COLEC10: variants seen among roughly 807,000 people sequenced by gnomAD.
COLEC10 encodes the protein collectin-10.
Under a neutral mutation model 28.4 loss-of-function variants are expected in COLEC10, and 22 were observed. That is an observed-to-expected ratio of 0.78 (90% CI 0.55 to 1.11). COLEC10 has a LOEUF of 1.11. Ranked by LOEUF, COLEC10 falls within the 50% of genes least tolerant of loss-of-function variation. The pLI, the probability that COLEC10 is intolerant of heterozygous loss-of-function variation, is 0.00. For missense variants in COLEC10, 361 were observed against 344.1 expected, an observed-to-expected ratio of 1.05 and a Z score of -0.39; for synonymous variants, 125 against 116.1, an observed-to-expected ratio of 1.08 and a Z score of -0.49.
chr8:119,016,978 T>C (rs1225515106), intron 2 of COLEC10, among the ~76,000 whole-genome samples: 1 of 129,348 alleles, frequency 7.7e-6, no homozygotes, highest in Non-Finnish European at 1.6e-5. Context: ...GCTCCTGAAG[T>C]GCTGGGATAA....
At chr8:119,005,833 G>T (rs1813784240) in intron 1 of COLEC10, among the ~76,000 whole-genome samples, 1 of 152,058 alleles carries the variant, frequency 6.6e-6, no homozygotes, top group Admixed American at 6.6e-5. Context: ...GTGATGAGGT[G>T]CAGGTAGAAG....
At chr8:118,984,619 G>A in the COLEC10 span, among the ~76,000 whole-genome samples, 1 of 152,114 alleles carries the variant, frequency 6.6e-6, no homozygotes, top group Admixed American at 6.6e-5. Context: ...GAGTCACAGA[G>A]GGAAAGCACC....
At chr8:119,062,751 A>G (rs1814881725), upstream of COLEC10, among the ~76,000 whole-genome samples, 1 of 152,192 alleles carries the variant, frequency 6.6e-6, no homozygotes, top group Non-Finnish European at 1.5e-5. Context: ...AAGTGCTGGG[A>G]TTACAGATGA....
At chr8:119,014,777 T>A (rs183430515) in intron 2 of COLEC10, among the ~76,000 whole-genome samples, 1 of 151,186 alleles carries the variant, frequency 6.6e-6, no homozygotes, top group African/African-American at 2.5e-5. Flanking sequence ...TTTATTCTCT[T>A]TGCTTTTCCA....
At chr8:119,102,428 A>G (rs1267441810) in intron 4 of COLEC10, 27 bp downstream of exon 4, 1 of 1,564,174 alleles carries the variant, frequency 6.4e-7, no homozygotes, top group African/African-American at 1.4e-5. Flanking sequence ...GTTCTCTTTG[A>G]TTTCTAGCAT....
At chr8:118,975,449 T>C in the COLEC10 span, among the ~76,000 whole-genome samples, 1 of 152,032 alleles carries the variant, frequency 6.6e-6, no homozygotes, top group Non-Finnish European at 1.5e-5. Context: ...TATAACTCAT[T>C]GTGTCATTCA....
chr8:119,089,828 T>C lies in COLEC10; in HGVS notation c.220+77T>C, dbSNP rs149290883. 3.6e-3 allele frequency: 4,364 copies of C among 1,213,496 alleles called. 81 individuals are homozygous for C. Among genetic ancestry groups the C allele is most frequent in the South Asian group, 0.031 (2,403 of 77,572 alleles). 75.2% of individuals were successfully genotyped at this position (1,213,496 alleles called of 1,614,324 possible). A position where few individuals can be genotyped will look rare whatever the true frequency, so the allele number is the denominator to read the frequency against. On this transcript the variant is annotated intron_variant, in intron 2 of 5. Transcript: ENST00000332843. ...TCTCTCCTGGCCCTTGCCCTGGAAATTAGCAGCTTTCATAATGCCCTCTGC... is the reference window on the plus strand; with the variant it reads ...TCTCTCCTGGCCCTTGCCCTGGAAACTAGCAGCTTTCATAATGCCCTCTGC...
chr8:119,078,572 A>G (rs16891959), intron 1 of COLEC10, among the ~76,000 whole-genome samples: 5,320 of 152,264 alleles, frequency 0.035, 137 homozygotes, highest in South Asian at 0.11. Context: ...GTGAACATCA[A>G]TGGAAAATTC....
chr8:118,999,408 T>A lies in COLEC10; in HGVS notation n.122+3835T>A, dbSNP rs182146222. 1.8e-3 allele frequency among the ~76,000 whole-genome samples: 271 copies of A among 152,098 alleles called. 6 individuals are homozygous for A. Among genetic ancestry groups the A allele is most frequent in the Admixed American group, 0.016 (239 of 15,270 alleles). On this transcript the variant is annotated intron_variant and non_coding_transcript_variant, in intron 1 of 6. Coordinates refer to the COLEC10 transcript ENST00000521788. ...GAGTTTGAGACCAGCCTGGTCAACATGGTGAAACCCCATCTCTACTGAAAA... is the reference window on the plus strand; with the variant it reads ...GAGTTTGAGACCAGCCTGGTCAACAAGGTGAAACCCCATCTCTACTGAAAA...
the COLEC10 span, among the ~76,000 whole-genome samples, chr8:118,973,584 TAC>T: frequency 6.6e-6 from 1 of 151,976 alleles, no homozygotes; most frequent in Non-Finnish European, 1.5e-5. Context: ...AGACAGAATT[TAC>T]AGTCTTATGC....
intron 1 of COLEC10, among the ~76,000 whole-genome samples, chr8:119,071,144 G>C (rs1815116254): frequency 6.6e-6 from 1 of 152,166 alleles, no homozygotes; most frequent in Non-Finnish European, 1.5e-5. Context: ...CAAAGAACAT[G>C]ACATCACGAA....
chr8:119,068,251 C>T (rs2130219201), intron 1 of COLEC10: 1 of 152,184 alleles, frequency 6.6e-6, no homozygotes, highest in Middle Eastern at 3.4e-3. Context: ...TTCCAAAAAA[C>T]AAAATTCAGA....
At chr8:119,052,353 C>A (rs899561110) in intron 2 of COLEC10, among the ~76,000 whole-genome samples, 1 of 152,052 alleles carries the variant, frequency 6.6e-6, no homozygotes, top group Non-Finnish European at 1.5e-5. Flanking sequence ...CACGTTAATG[C>A]CACCAAGACA....
At chr8:118,980,009 TGAGA>T in the COLEC10 span, among the ~76,000 whole-genome samples, 1 of 152,006 alleles carries the variant, frequency 6.6e-6, no homozygotes, top group African/African-American at 2.4e-5. Flanking sequence ...GTGAGTAATC[TGAGA>T]GAGAGATAGA....
intron 2 of COLEC10, among the ~76,000 whole-genome samples, chr8:119,034,857 G>C (rs2130137190): frequency 6.6e-6 from 1 of 152,190 alleles, no homozygotes; most frequent in Admixed American, 6.5e-5. Context: ...TCTGTAAATG[G>C]GAATCAAAAT....
intron 2 of COLEC10, among the ~76,000 whole-genome samples, chr8:119,023,840 C>A (rs1814138646): frequency 6.6e-6 from 1 of 151,944 alleles, no homozygotes; most frequent in Admixed American, 6.6e-5. Context: ...TTTTAATGGG[C>A]AAAAGCAGGA....
the COLEC10 span, among the ~76,000 whole-genome samples, chr8:118,981,816 C>T: frequency 1.3e-5 from 2 of 152,036 alleles, no homozygotes; most frequent in African/African-American, 4.8e-5. Context: ...GATAAGAAAA[C>T]ATTTAAGATT....
the COLEC10 span, among the ~76,000 whole-genome samples, chr8:118,958,606 G>A: frequency 1.2e-3 from 180 of 152,290 alleles, 1 homozygote; most frequent in South Asian, 1.9e-3. Flanking sequence ...GTGTATCTAC[G>A]TTTACACAAA....
intron 1 of COLEC10, among the ~76,000 whole-genome samples, chr8:119,004,272 C>G (rs937523224): frequency 2.0e-5 from 3 of 151,874 alleles, no homozygotes; most frequent in African/African-American, 7.2e-5. Context: ...ACTATCAGGT[C>G]AAGGGGAAAA....
Sources: gnomAD v4.1 joint callset for allele counts (sites outside exome capture counted in the v4.1 genomes callset) on GRCh38, gnomAD v4.1.1 for gene constraint, MANE v1.5 for transcripts, NCBI Gene and HGNC (gene_info 2026-07-23, HGNC 2026-07-21) for gene names.